Variants in ANKZF1 observed in about 807,000 individuals in gnomAD.
The protein encoded by ANKZF1 is tRNA endonuclease ANKZF1.
In ANKZF1, 84 loss-of-function variants were observed where a neutral mutation model predicts 86.0. That is an observed-to-expected ratio of 0.98 (90% CI 0.82 to 1.17). The LOEUF (loss-of-function observed/expected upper bound fraction) is 1.17. ANKZF1 is among the 50% of genes most tolerant of loss of function. The pLI is 0.00. For synonymous variants in ANKZF1, 331 were observed against 354.2 expected, an observed-to-expected ratio of 0.93 and a Z score of 0.74; for missense variants, 893 against 918.4, an observed-to-expected ratio of 0.97 and a Z score of 0.36.
Position 219,233,298 on chromosome 2 carries a change from G to A in ANKZF1, c.684G>A (p.Val228=). 2 of 1,614,218 alleles carry A rather than the reference G, an allele frequency of 1.2e-6. No homozygotes were observed. Among genetic ancestry groups the A allele is most frequent in the South Asian group, 1.1e-5 (1 of 91,078 alleles). The part of the protein sequence containing the change: ...AGAIFQGREV[V]THKTFHRYTV... Reference sequence around the variant, plus strand: ...GTGCTGTCTACAGAAGAGAAGTGGTGACACACAAAACTTTTCACCGCTATA... The same window carrying A: ...GTGCTGTCTACAGAAGAGAAGTGGTAACACACAAAACTTTTCACCGCTATA... Residue 228 remains valine, a synonymous_variant, in exon 7 of 14, where the codon GTG becomes GTA. Transcript: ENST00000323348.
chr2:219,235,325 C>G lies in ANKZF1; in HGVS notation c.1691+13C>G. On this transcript the variant is annotated intron_variant, in intron 10 of 13. Transcript: ENST00000323348. Reference sequence around the variant, plus strand: ...ACCCCACTGTGCAGTGAGTAAAGGTCCCCATCCTGAGTCATTTTGGGTATA... The same window carrying G: ...ACCCCACTGTGCAGTGAGTAAAGGTGCCCATCCTGAGTCATTTTGGGTATA... 6.2e-7 allele frequency: 1 copy of G among 1,603,538 alleles called. No individual in the cohort carries two copies. Among genetic ancestry groups the G allele is most frequent in the Non-Finnish European group, 8.5e-7 (1 of 1,174,546 alleles).
chr2:219,232,356 T>G lies in ANKZF1; in HGVS notation c.358T>G (p.Ser120Ala). The G allele has an allele frequency of 6.2e-7, 1 of 1,614,148 alleles. No individual in the cohort carries two copies. Among genetic ancestry groups the G allele is most frequent in the Non-Finnish European group, 8.5e-7 (1 of 1,179,986 alleles). The change falls in exon 4 of 14, where the codon TCC becomes GCC. Residue 120 changes from serine to alanine, a missense_variant. Coordinates refer to ENST00000323348, the MANE Select transcript of ANKZF1 (RefSeq NM_018089.3). ...TGCCCTGGACTTTGAAAAGCAGAGC[T>G]CCACAGGTGATGAGTGGTAGGGGGA... ...LSALDFEKQS[S>A]TGDLSSISGS...
At chr2:219,234,734 A>ATAAATAAAT (rs1259611016) in intron 9 of ANKZF1, 92 bp from the exon 10 acceptor site, 2 of 1,484,944 alleles carry the variant, frequency 1.3e-6, no homozygotes, top group Admixed American at 4.5e-5. Context: ...ACAAAATAAA[A>ATAAATAAAT]ACAATTTCAT....
At position 219,233,208 on chromosome 2, in the gene ANKZF1, T is replaced by C. The variant is rs554951773; in HGVS notation, c.671+17T>C. On this transcript the variant is annotated intron_variant, in intron 6 of 13. Transcript: ENST00000323348. ...ATTTCAAGGGTGAGAGGGTGCTGCA[T>C]GGGGGTAAGGATGGAGTGGATCCTG... is the stretch of plus-strand genomic sequence containing the variant. 1.2e-6 allele frequency: 2 copies of C among 1,614,118 alleles called. No individual in the cohort carries two copies. The highest frequency in any genetic ancestry group is 2.2e-5 in the East Asian group (1 of 44,878).
In ANKZF1 at chr2:219,233,300, CA is replaced by C. The variant is rs780668989; in HGVS notation, c.687del (p.His230ThrfsTer34). 3 of 1,614,248 alleles carry C rather than the reference CA, an allele frequency of 1.9e-6. No homozygotes were observed. Among genetic ancestry groups the C allele is most frequent in the Admixed American group, 3.3e-5 (2 of 60,032 alleles). On this transcript the variant is annotated frameshift_variant, in exon 7 of 14. Transcript: ENST00000323348. LOFTEE classifies it high-confidence loss of function. ...GCTGTCTACAGAAGAGAAGTGGTGA[CA>C]CACAAAACTTTTCACCGCTATACGG... Reference protein sequence around the residue: ...GAIFQGREVVTHKTFHRYTVR... With the variant: ...GAIFQGREVVXHKTFHRYTVR...
At chr2:219,232,385 A>C (rs750350626) in intron 4 of ANKZF1, 23 bp downstream of exon 4, 19 of 1,612,770 alleles carry the variant, frequency 1.2e-5, no homozygotes, top group Non-Finnish European at 1.5e-5. Context: ...AGGGGGACCT[A>C]TGTAGGAGTA....
chr2:219,231,768 C>T (rs1951044224), intron 2 of ANKZF1, 160 bp from the exon 3 acceptor site: 1 of 613,892 alleles, frequency 1.6e-6, no homozygotes, highest in Non-Finnish European at 2.9e-6. Context: ...GATTGCTGTA[C>T]TGTTTATTTC....
In ANKZF1 at chr2:219,234,134, A is replaced by AGT; in HGVS notation, c.1051_1052insTG (p.Glu351ValfsTer20). 2 of 1,608,220 alleles carry AGT rather than the reference A, an allele frequency of 1.2e-6. No homozygotes were observed. The highest frequency in any genetic ancestry group is 1.7e-6 in the Non-Finnish European group (2 of 1,178,588). ...GAAAGATCTTTTCTTTTATGGCAGA[A>AGT]GAAGACCCTCGGGAAGCAGTCAGAC... On this transcript the variant is annotated frameshift_variant and splice_region_variant, in exon 9 of 14. Coordinates refer to ENST00000323348, the MANE Select transcript of ANKZF1 (RefSeq NM_018089.3). LOFTEE classifies it high-confidence loss of function.
At position 219,233,341 on chromosome 2, in the gene ANKZF1, G is replaced by A. The variant is rs1415576419; in HGVS notation, c.727G>A (p.Gly243Ser). The A allele has an allele frequency of 1.2e-6, 2 of 1,614,138 alleles. No individual in the cohort carries two copies. Among genetic ancestry groups the A allele is most frequent in the African/African-American group, 2.7e-5 (2 of 74,946 alleles). ...CCGCTATACGGTTCGGGCCAAGCGGGGCACAGCCCAGGGGCTTCGGGATGC... is the reference window on the plus strand; with the variant it reads ...CCGCTATACGGTTCGGGCCAAGCGGAGCACAGCCCAGGGGCTTCGGGATGC... ...FHRYTVRAKR[G>S]TAQGLRDARG... Residue 243 changes from glycine (G) to serine (S), a missense_variant, in exon 7 of 14, where the codon GGC becomes AGC. Gly to Ser is a moderately conservative substitution (Grantham distance 56). Transcript: ENST00000323348.
chr2:219,230,194 A>G, intron 1 of ANKZF1, 34 bp from the exon 2 acceptor site: 1 of 1,569,842 alleles, frequency 6.4e-7, no homozygotes, highest in East Asian at 2.3e-5. Flanking sequence ...TCTCGTTTGC[A>G]GGAGCCCTGT....
At chr2:219,235,412 T>C in intron 10 of ANKZF1, 62 bp from the exon 11 acceptor site, 1 of 1,606,126 alleles carries the variant, frequency 6.2e-7, no homozygotes, top group South Asian at 1.1e-5. Context: ...CTTGGTCTGG[T>C]TGGGTGATGT....
In ANKZF1 at chr2:219,233,173, C is replaced by A. The variant is rs779965483; in HGVS notation, c.653C>A (p.Ala218Asp). Residue 218 changes from alanine to aspartate, a missense_variant, in exon 6 of 14, where the codon GCT (alanine) becomes GAT (aspartate). Physicochemically the swap from Ala to Asp is moderately radical, Grantham distance 126. Coordinates refer to ENST00000323348, the MANE Select transcript of ANKZF1 (RefSeq NM_018089.3). ...VVLMAAAGHFAGAIFQGREVV... is the reference protein window; with the variant it reads ...VVLMAAAGHFDGAIFQGREVV... ...CTCATGGCTGCAGCTGGGCACTTTGCTGGTGCTATATTTCAAGGGTGAGAG... is the reference window on the plus strand; with the variant it reads ...CTCATGGCTGCAGCTGGGCACTTTGATGGTGCTATATTTCAAGGGTGAGAG... 1.2e-6 allele frequency: 2 copies of A among 1,614,206 alleles called. No individual in the cohort carries two copies.
chr2:219,233,469 C>T (rs1447564337), intron 7 of ANKZF1, 36 bp downstream of exon 7: 1 of 1,547,158 alleles, frequency 6.5e-7, no homozygotes, highest in African/African-American at 1.4e-5. Flanking sequence ...GGTACTGATC[C>T]ATACTTTTTT....
At position 219,234,193 on chromosome 2, in the gene ANKZF1, G is replaced by A. The variant is rs113233400; in HGVS notation, c.1109G>A (p.Arg370Lys). Residue 370 changes from arginine (R) to lysine (K), a missense_variant, in exon 9 of 14, where the codon AGA becomes AAA. Physicochemically the swap from Arg to Lys is conservative, Grantham distance 26. Coordinates refer to ENST00000323348, the MANE Select transcript of ANKZF1 (RefSeq NM_018089.3). ...HSPQTHWKTV[R>K]EERKKPTEEE... ...CCTCAGACACACTGGAAAACAGTAA[G>A]AGAGGAGAGAAAGAAGCCTACTGAG... 1 of 1,614,134 alleles carries A rather than the reference G, an allele frequency of 6.2e-7. No individual in the cohort carries two copies. The highest frequency in any genetic ancestry group is 8.5e-7 in the Non-Finnish European group (1 of 1,180,028).
chr2:219,236,566 C>A lies in ANKZF1; in HGVS notation c.*121C>A. The stretch of plus-strand genomic sequence containing the variant: ...TTGGAAGATGGGGGTGAAGGACACT[C>A]GGGAACTAGGGCAAAGACAGGGCTA... On this transcript the variant is annotated 3_prime_UTR_variant, in exon 14 of 14. Coordinates refer to ENST00000323348, the MANE Select transcript of ANKZF1 (RefSeq NM_018089.3). The A allele has an allele frequency of 1.5e-6, 2 of 1,330,950 alleles. No homozygotes were observed. Among genetic ancestry groups the A allele is most frequent in the Non-Finnish European group, 1.0e-6 (1 of 983,294 alleles). 82.4% of individuals were successfully genotyped at this position (1,330,950 alleles called of 1,614,324 possible).
At chr2:219,232,468 A>T in intron 4 of ANKZF1, 22 bp from the exon 5 acceptor site, 1 of 1,613,130 alleles carries the variant, frequency 6.2e-7, no homozygotes. Flanking sequence ...AAACTTGTGT[A>T]TCTCATATTG....
At chr2:219,234,407 T>C in intron 9 of ANKZF1, 119 bp downstream of exon 9, 1 of 1,256,292 alleles carries the variant, frequency 8.0e-7, no homozygotes, top group Non-Finnish European at 1.2e-6. Flanking sequence ...ACAGTGTCTA[T>C]CTTAGCAATT....
chr2:219,233,520 G>T, intron 7 of ANKZF1, 87 bp downstream of exon 7: 9 of 1,469,130 alleles, frequency 6.1e-6, no homozygotes, highest in Non-Finnish European at 8.1e-6. Flanking sequence ...GGAGGTTTTT[G>T]ACTCATATCC....
Position 219,235,526 on chromosome 2 carries a change from A to G in ANKZF1, c.1744A>G (p.Asn582Asp), listed in dbSNP as rs752089068. The change falls in exon 11 of 14, where the codon AAT becomes GAT. Residue 582 changes from asparagine to aspartate, a missense_variant. Asn to Asp is a conservative substitution (Grantham distance 23). Coordinates refer to ENST00000323348, the MANE Select transcript of ANKZF1 (RefSeq NM_018089.3). Reference sequence around the variant, plus strand: ...TGTTGCGGCTGACAAATCAACACGTAATGAGTTCCGAAGGTTCATGGAGAA... The same window carrying G: ...TGTTGCGGCTGACAAATCAACACGTGATGAGTTCCGAAGGTTCATGGAGAA... The part of the protein sequence containing the change: ...YTVAADKSTR[N>D]EFRRFMEKNP... 3 of 1,614,028 alleles carry G rather than the reference A, an allele frequency of 1.9e-6. No homozygotes were observed. The highest frequency in any genetic ancestry group is 2.5e-6 in the Non-Finnish European group (3 of 1,179,992).
Sources: allele counts gnomAD v4.1 joint callset, GRCh38; gene constraint gnomAD v4.1.1; transcripts MANE v1.5; gene names NCBI Gene and HGNC (gene_info 2026-07-23, HGNC 2026-07-21).